The following GTF2E2 variants were observed in gnomAD, a reference collection of about 807,000 sequenced individuals.
GTF2E2 encodes transcription initiation factor IIE subunit beta.
In GTF2E2, 21 loss-of-function variants were observed where a neutral mutation model predicts 40.5. The observed-to-expected ratio is 0.52, with a 90% CI of 0.37 to 0.75. The LOEUF (loss-of-function observed/expected upper bound fraction) is 0.75, where lower values mean the gene tolerates loss of function less well. Among genes scored for constraint, GTF2E2 ranks in the 30% least tolerant of loss-of-function variants. The probability of loss-of-function intolerance (pLI) is 0.00; values close to 1 mark genes in which losing one functional copy is unlikely to be tolerated. For missense variants in GTF2E2, 298 were observed against 338.4 expected (o/e 0.88, Z 0.94); for synonymous variants, 117 against 121.6 (o/e 0.96, Z 0.25).
At chr8:30,650,061 T>C (rs148796750) in intron 2 of GTF2E2, among the ~76,000 whole-genome samples, 4 of 151,920 alleles carry the variant, frequency 2.6e-5, no homozygotes, top group African/African-American at 4.8e-5. Context: ...TTTCAGAAAA[T>C]AGGTGAAAAG....
At chr8:30,655,695 A>G (rs1303798252) in intron 1 of GTF2E2, among the ~76,000 whole-genome samples, 1 of 152,256 alleles carries the variant, frequency 6.6e-6, no homozygotes, top group Non-Finnish European at 1.5e-5. Flanking sequence ...GGAAGCATTG[A>G]GCTAAAAATT....
chr8:30,586,650 C>A (rs748696417), intron 6 of GTF2E2, among the ~76,000 whole-genome samples: 1 of 152,152 alleles, frequency 6.6e-6, no homozygotes, highest in Non-Finnish European at 1.5e-5. Flanking sequence ...TACAATGCTA[C>A]GGTAATCAAA....
chr8:30,623,112 T>C (rs187694207), intron 3 of GTF2E2, among the ~76,000 whole-genome samples: 29 of 152,102 alleles, frequency 1.9e-4, no homozygotes, highest in African/African-American at 6.3e-4. Context: ...GAGACTGGAG[T>C]AAAGAAAGGC....
At chr8:30,640,894 G>A (rs954531158) in intron 2 of GTF2E2, among the ~76,000 whole-genome samples, 4 of 152,242 alleles carry the variant, frequency 2.6e-5, no homozygotes, top group African/African-American at 7.2e-5. Flanking sequence ...TAGCAGAGAC[G>A]GAGTTTCGCC....
intron 3 of GTF2E2, among the ~76,000 whole-genome samples, chr8:30,623,480 G>A (rs1055142078): frequency 3.9e-5 from 6 of 152,064 alleles, no homozygotes; most frequent in East Asian, 1.9e-4. Flanking sequence ...AAACATATGC[G>A]TGCATGTCTC....
intron 2 of GTF2E2, among the ~76,000 whole-genome samples, chr8:30,642,320 T>C (rs11777467): frequency 0.34 from 48,389 of 142,254 alleles, 8,300 homozygotes; most frequent in African/African-American, 0.4. Context: ...AGGAAAGGAA[T>C]AAAAGAATGG....
chr8:30,623,977 T>C (rs1342068374), intron 3 of GTF2E2, among the ~76,000 whole-genome samples: 2 of 152,124 alleles, frequency 1.3e-5, no homozygotes, highest in African/African-American at 2.4e-5. Flanking sequence ...TTCACTCAGA[T>C]GGTAGTTTCT....
intron 3 of GTF2E2, among the ~76,000 whole-genome samples, chr8:30,629,101 T>A (rs887071687): frequency 5.5e-4 from 83 of 152,198 alleles, no homozygotes; most frequent in Non-Finnish European, 1.0e-3. Flanking sequence ...TATGGACATA[T>A]ATATTCATAT....
intron 6 of GTF2E2, chr8:30,597,319 T>C (rs1483006596): frequency 6.6e-6 from 1 of 152,208 alleles, no homozygotes; most frequent in Non-Finnish European, 1.5e-5. Context: ...TTCGTGTCTT[T>C]CCAAAAGGAT....
At chr8:30,601,627 G>A (rs1353052703) in intron 6 of GTF2E2, among the ~76,000 whole-genome samples, 1 of 152,052 alleles carries the variant, frequency 6.6e-6, no homozygotes, top group Admixed American at 6.5e-5. Context: ...TTCTTAAGAG[G>A]GACACAGATC....
At chr8:30,592,744 T>A (rs1828887205) in intron 6 of GTF2E2, among the ~76,000 whole-genome samples, 1 of 152,124 alleles carries the variant, frequency 6.6e-6, no homozygotes, top group Admixed American at 6.5e-5. Context: ...AAGACAAAAT[T>A]TTTTTCCAAA....
At chr8:30,631,656 G>T (rs907442655) in intron 3 of GTF2E2, among the ~76,000 whole-genome samples, 1 of 152,106 alleles carries the variant, frequency 6.6e-6, no homozygotes, top group African/African-American at 2.4e-5. Context: ...AGATATGCTA[G>T]CTGTCATACT....
intron 6 of GTF2E2, among the ~76,000 whole-genome samples, chr8:30,602,608 T>C (rs1829212914): frequency 6.6e-6 from 1 of 151,808 alleles, no homozygotes; most frequent in African/African-American, 2.4e-5. Context: ...AATACAAAAT[T>C]AGCCAGGCGT....
chr8:30,594,258 T>TC (rs775267537), intron 6 of GTF2E2, among the ~76,000 whole-genome samples: 32 of 151,196 alleles, frequency 2.1e-4, no homozygotes, highest in Non-Finnish European at 3.8e-4. Context: ...AAAGTGAGTT[T>TC]CTTTTTTTTT....
At chr8:30,581,000 C>G (rs997618195) in intron 6 of GTF2E2, among the ~76,000 whole-genome samples, 1 of 152,174 alleles carries the variant, frequency 6.6e-6, no homozygotes, top group Non-Finnish European at 1.5e-5. Context: ...TCTTCAGAAA[C>G]CTGTAGTCCC....
rs550940889 is a variant in GTF2E2, at chr8:30,623,519, C to T, written c.259-8804G>A. Among the ~76,000 whole-genome samples the T allele has an allele frequency of 3.4e-4, 51 of 152,150 alleles. 1 individual carries two copies. The highest frequency in any genetic ancestry group is 1.1e-3 in the African/African-American group (46 of 41,446). ...ACAGCAGCATGATTTATAATCCTTT[C>T]GGTATATACCCAGTAATGGGATGGC... On this transcript the variant is annotated intron_variant, in intron 3 of 7. Coordinates refer to ENST00000355904, the MANE Select transcript of GTF2E2 (RefSeq NM_002095.6).
At chr8:30,628,914 G>A (rs776244100) in intron 3 of GTF2E2, among the ~76,000 whole-genome samples, 25 of 148,590 alleles carry the variant, frequency 1.7e-4, no homozygotes, top group Non-Finnish European at 3.0e-5. Context: ...CTGGGCAAGA[G>A]AGTGAGACTC....
intron 3 of GTF2E2, 143 bp downstream of exon 3, chr8:30,634,889 G>T (rs1801540067): frequency 6.8e-6 from 4 of 587,426 alleles, no homozygotes; most frequent in Middle Eastern, 4.5e-4. Flanking sequence ...AGGTATAATT[G>T]GCATACAATA....
intron 3 of GTF2E2, among the ~76,000 whole-genome samples, chr8:30,619,899 G>C (rs1020179714): frequency 6.6e-6 from 1 of 152,048 alleles, no homozygotes; most frequent in African/African-American, 2.4e-5. Context: ...AGGATCCAGA[G>C]ATAGGAGACA....
Sources: allele counts gnomAD v4.1 joint callset (sites outside exome capture counted in the v4.1 genomes callset), GRCh38; gene constraint gnomAD v4.1.1; transcripts MANE v1.5; gene names NCBI Gene and HGNC (gene_info 2026-07-23, HGNC 2026-07-21).